Variants in SIRT2 observed in about 807,000 individuals in gnomAD.
SIRT2 encodes sirtuin 2, also known as NAD-dependent protein deacetylase sirtuin-2.
Under a neutral mutation model 57.4 loss-of-function variants are expected in SIRT2, and 40 were observed. The ratio of observed to expected loss-of-function variants is 0.70; its 90% confidence interval spans 0.54 to 0.91. The LOEUF (loss-of-function observed/expected upper bound fraction) is 0.91, where lower values mean the gene tolerates loss of function less well. Ranked by LOEUF, SIRT2 falls within the 40% of genes least tolerant of loss-of-function variation. SIRT2 has a pLI of 0.00. For synonymous variants in SIRT2, 161 were observed against 195.7 expected (o/e 0.82, Z 1.48); for missense variants, 439 against 510.4 (o/e 0.86, Z 1.35).
At position 38,880,218 on chromosome 19, in the gene SIRT2, C is replaced by T. The variant is rs1973102001; in HGVS notation, c.876+467G>A. 1 of 182,676 alleles carries T rather than the reference C, an allele frequency of 5.5e-6. No homozygotes were observed. The highest frequency in any genetic ancestry group is 1.1e-5 in the Non-Finnish European group (1 of 87,202). 11.3% of individuals were successfully genotyped at this position (182,676 alleles called of 1,614,324 possible). On this transcript the variant is annotated intron_variant, in intron 13 of 15. Transcript: ENST00000249396. This position sits in a 1 kb window ranked among gnomAD's most constrained non-coding sequence, Gnocchi z 4.1. Reference sequence around the variant, plus strand: ...ACAAAACCGCGATGGGGTTGTGGCGCCAGTGAGTTCACGCAGGCTAAGACT... The same window carrying T: ...ACAAAACCGCGATGGGGTTGTGGCGTCAGTGAGTTCACGCAGGCTAAGACT...
rs1183748698 is a variant in SIRT2, at chr19:38,880,207, G to T, written c.876+478C>A. The T allele has an allele frequency of 5.5e-6, 1 of 180,872 alleles. No individual in the cohort carries two copies. Among genetic ancestry groups the T allele is most frequent in the African/African-American group, 2.4e-5 (1 of 42,286 alleles). 11.2% of individuals were successfully genotyped at this position (180,872 alleles called of 1,614,324 possible). On this transcript the variant is annotated intron_variant, in intron 13 of 15. Coordinates refer to ENST00000249396, the MANE Select transcript of SIRT2 (RefSeq NM_012237.4). This position sits in a 1 kb window ranked among gnomAD's most constrained non-coding sequence, Gnocchi z 4.1. ...TAGGGGTGATCACAAAACCGCGATG[G>T]GGTTGTGGCGCCAGTGAGTTCACGC...
At chr19:38,879,944 A>C in intron 13 of SIRT2, 4 of 495,728 alleles carry the variant, frequency 8.1e-6, no homozygotes, top group Admixed American at 3.4e-5. Flanking sequence ...TCCCGCCTCA[A>C]CCTCCCGAGT....
Position 38,893,489 on chromosome 19 carries a change from G to C in SIRT2, c.151C>G (p.Leu51Val), listed in dbSNP as rs575999768. Reference sequence around the variant, plus strand: ...AGCAGACGCTCCTTCTGGCTGCCCAGGCTGAGCGTCTGGGAGAATAAGTTC... The same window carrying C: ...AGCAGACGCTCCTTCTGGCTGCCCACGCTGAGCGTCTGGGAGAATAAGTTC... ...LRNLFSQTLS[L>V]GSQKERLLDE... The change falls in exon 4 of 16, where the codon CTG becomes GTG. Residue 51 changes from leucine to valine, a missense_variant. Coordinates refer to ENST00000249396, the MANE Select transcript of SIRT2 (RefSeq NM_012237.4). The C allele has an allele frequency of 1.2e-6, 2 of 1,613,990 alleles. No homozygotes were observed. The highest frequency in any genetic ancestry group is 2.2e-5 in the South Asian group (2 of 91,084).
In SIRT2 at chr19:38,889,130, C is replaced by T. The variant is rs144373891; in HGVS notation, c.458G>A (p.Arg153His). The T allele has an allele frequency of 9.1e-3, 14,714 of 1,613,056 alleles. 102 individuals carry two copies. Among genetic ancestry groups the T allele is most frequent in the Middle Eastern group, 0.016 (100 of 6,062 alleles). The change falls in exon 8 of 16, where the codon CGC becomes CAC. Residue 153 changes from arginine to histidine, a missense_variant. Physicochemically the swap from Arg to His is conservative, Grantham distance 29. Coordinates refer to ENST00000249396, the MANE Select transcript of SIRT2 (RefSeq NM_012237.4). ...FKPTICHYFM[R>H]LLKDKGLLLR... ...GAGTAGCCCCTTGTCCTTCAGCAGGCGCATGAAGTAGTGACAGATGGTTGG... is the reference window on the plus strand; with the variant it reads ...GAGTAGCCCCTTGTCCTTCAGCAGGTGCATGAAGTAGTGACAGATGGTTGG...
At chr19:38,889,007 C>G (rs113550262) in intron 8 of SIRT2, 80 bp downstream of exon 8, 1 of 1,352,646 alleles carries the variant, frequency 7.4e-7, no homozygotes, top group Non-Finnish European at 1.0e-6. Flanking sequence ...CTCTTGGGCA[C>G]GCAGCTCTGC....
intron 2 of SIRT2, 150 bp downstream of exon 2, chr19:38,898,229 T>C (rs765520048): frequency 2.1e-6 from 1 of 470,856 alleles, no homozygotes; most frequent in Non-Finnish European, 3.6e-6. Context: ...AATCTGCCTT[T>C]CCCCAGAAAG....
At chr19:38,887,557 GGAA>G (rs1214119525) in intron 8 of SIRT2, among the ~76,000 whole-genome samples, 2 of 151,950 alleles carry the variant, frequency 1.3e-5, no homozygotes, top group East Asian at 1.9e-4. Flanking sequence ...TCCTCCTCTT[GGAA>G]GAAGGAGGCC....
intron 7 of SIRT2, 124 bp from the exon 8 acceptor site, chr19:38,889,279 C>G (rs750016633): frequency 1.2e-6 from 1 of 851,928 alleles, no homozygotes; most frequent in Non-Finnish European, 2.0e-6. Context: ...ACAGCAGCCG[C>G]GTCGGGGAGA....
At chr19:38,894,619 C>T (rs528352590) in intron 2 of SIRT2, among the ~76,000 whole-genome samples, 2 of 152,204 alleles carry the variant, frequency 1.3e-5, no homozygotes, top group South Asian at 4.1e-4. Context: ...GAATAATGTC[C>T]CAAGTCACTC....
At position 38,894,941 on chromosome 19, in the gene SIRT2, C is replaced by T. The variant is rs976686329; in HGVS notation, c.64-1074G>A. 260 of 455,998 alleles carry T rather than the reference C, an allele frequency of 5.7e-4. 1 individual carries two copies. The highest frequency in any genetic ancestry group is 8.3e-4 in the Non-Finnish European group (188 of 226,902). The allele number at this position is 455,998 out of a possible 1,614,324, so 28.2% of individuals were successfully genotyped here. On this transcript the variant is annotated intron_variant, in intron 2 of 15. Transcript: ENST00000249396. ...CTGGACACCTTGCCCTAGGTGCCCC[C>T]CAGCCTCTCACTCCTACTATGTCCC...
Position 38,880,901 on chromosome 19 carries a change from C to A in SIRT2, c.748-4G>T, listed in dbSNP as rs779821357. ...GGAGGTCCACCTTCAGGAAGTCCTG[C>A]GGGGAGGGGCGTGAGCTTGGGAGCC... On this transcript the variant is annotated splice_polypyrimidine_tract_variant and splice_region_variant and intron_variant, in intron 11 of 15. Coordinates refer to ENST00000249396, the MANE Select transcript of SIRT2 (RefSeq NM_012237.4). This position sits in a 1 kb window ranked among gnomAD's most constrained non-coding sequence, Gnocchi z 4.1. 5.0e-6 allele frequency: 8 copies of A among 1,612,978 alleles called. No individual in the cohort carries two copies. Among genetic ancestry groups the A allele is most frequent in the Middle Eastern group, 1.8e-4 (1 of 5,664 alleles).
intron 2 of SIRT2, chr19:38,894,748 TC>T (rs1973661882): frequency 2.2e-6 from 1 of 453,484 alleles, no homozygotes; most frequent in South Asian, 1.6e-5. Context: ...CCTCGAAGCC[TC>T]CCCTCAGCCC....
chr19:38,892,109 T>C, intron 4 of SIRT2: 1 of 355,918 alleles, frequency 2.8e-6, no homozygotes, highest in South Asian at 2.1e-5. Flanking sequence ...GAAATATAAA[T>C]TTCAGGCCGG....
chr19:38,879,523 A>C, intron 14 of SIRT2, 23 bp from the exon 15 acceptor site: 10 of 1,595,320 alleles, frequency 6.3e-6, no homozygotes, highest in Non-Finnish European at 8.5e-6. Flanking sequence ...AGGAGATCAG[A>C]GTTCCCAGGC....
chr19:38,885,693 T>C (rs1973312260), intron 8 of SIRT2, among the ~76,000 whole-genome samples: 1 of 150,246 alleles, frequency 6.7e-6, no homozygotes, highest in Admixed American at 6.7e-5. Flanking sequence ...CAGGTTCAAG[T>C]GATTCTCCTG....
chr19:38,893,887 G>C lies in SIRT2; in HGVS notation c.64-20C>G, dbSNP rs780238478. On this transcript the variant is annotated intron_variant, in intron 2 of 15. Coordinates refer to ENST00000249396, the MANE Select transcript of SIRT2 (RefSeq NM_012237.4). ...TGAGTCCTGGAAGGGGTGGGGTGGAGTGGCCAGGCCCGAGAGGTGGGATTA... is the reference window on the plus strand; with the variant it reads ...TGAGTCCTGGAAGGGGTGGGGTGGACTGGCCAGGCCCGAGAGGTGGGATTA... 1.2e-6 allele frequency: 2 copies of C among 1,614,066 alleles called. No individual in the cohort carries two copies. The highest frequency in any genetic ancestry group is 1.7e-6 in the Non-Finnish European group (2 of 1,179,992).
chr19:38,899,615 G>A lies in SIRT2; in HGVS notation c.-94C>T, dbSNP rs546071067. The stretch of plus-strand genomic sequence containing the variant: ...TCACCGACTGCTCTGTCCTGTCACC[G>A]ACTGCTCTGTCCCGTGACGGCACCA... On this transcript the variant is annotated 5_prime_UTR_variant, in exon 1 of 16. Coordinates refer to ENST00000249396, the MANE Select transcript of SIRT2 (RefSeq NM_012237.4). The A allele has an allele frequency of 3.4e-5, 53 of 1,538,520 alleles. No homozygotes were observed. In the South Asian group the frequency reaches 5.4e-4, roughly 16 times the overall value.
At chr19:38,879,818 T>G (rs1973081203) in intron 13 of SIRT2, 116 bp from the exon 14 acceptor site, 1 of 740,820 alleles carries the variant, frequency 1.3e-6, no homozygotes, top group Admixed American at 2.9e-5. Flanking sequence ...GTTTTTTTTT[T>G]GTTGTTGTTT....
Position 38,893,534 on chromosome 19 carries a change from G to A in SIRT2, c.113-7C>T, listed in dbSNP as rs758890249. ...AAGTTCCGCAGGAAGTCCACTGACC[G>A]GAAAGAAGAGAGACAGCGGCAGGAC... On this transcript the variant is annotated splice_region_variant and splice_polypyrimidine_tract_variant and intron_variant, in intron 3 of 15. Coordinates refer to ENST00000249396, the MANE Select transcript of SIRT2 (RefSeq NM_012237.4). 51 of 1,590,746 alleles carry A rather than the reference G, an allele frequency of 3.2e-5. No homozygotes were observed. The highest frequency in any genetic ancestry group is 1.7e-4 in the Middle Eastern group (1 of 6,034).
Sources: allele counts gnomAD v4.1 joint callset (sites outside exome capture counted in the v4.1 genomes callset), GRCh38; gene constraint gnomAD v4.1.1; non-coding constraint Gnocchi (gnomAD v3.1); transcripts MANE v1.5; gene names NCBI Gene and HGNC (gene_info 2026-07-23, HGNC 2026-07-21).